MOXD1: variants seen among roughly 807,000 people sequenced by gnomAD.
The protein encoded by MOXD1 is monooxygenase DBH like 1.
Under a neutral mutation model 66.6 loss-of-function variants are expected in MOXD1, and 62 were observed. The observed-to-expected ratio is 0.93, with a 90% CI of 0.76 to 1.15. The LOEUF is 1.15. Among genes scored for constraint, MOXD1 ranks in the 50% most tolerant of loss-of-function variants. The pLI is 0.00. For missense variants in MOXD1, 847 were observed against 754.6 expected (o/e 1.12, Z -1.44); for synonymous variants, 303 against 281.9 (o/e 1.07, Z -0.75).
chr6:132,391,981 G>A (rs960097723), intron 1 of MOXD1: 18 of 522,564 alleles, frequency 3.4e-5, no homozygotes, highest in East Asian at 6.9e-5. Context: ...AAGTCTCTTC[G>A]TTGCCTGGAA....
At chr6:132,332,393 A>G (rs1775339933) in intron 4 of MOXD1, among the ~76,000 whole-genome samples, 1 of 152,236 alleles carries the variant, frequency 6.6e-6, no homozygotes, top group Non-Finnish European at 1.5e-5. Context: ...AGGGAAAAAA[A>G]GAAAGAAAAA....
chr6:132,375,207 C>A, intron 1 of MOXD1: 2 of 201,560 alleles, frequency 9.9e-6, no homozygotes, highest in Non-Finnish European at 2.0e-5. Context: ...CCTGGTGGAG[C>A]CCCACTTCAC....
chr6:132,387,244 G>C (rs1433493984), intron 1 of MOXD1, among the ~76,000 whole-genome samples: 1 of 151,274 alleles, frequency 6.6e-6, no homozygotes, highest in Admixed American at 6.6e-5. Context: ...ATTGTATTGA[G>C]CTAATACAAT....
chr6:132,383,805 C>A (rs147977319), intron 1 of MOXD1, among the ~76,000 whole-genome samples: 2 of 152,100 alleles, frequency 1.3e-5, no homozygotes, highest in Non-Finnish European at 2.9e-5. Context: ...TGCAGTGGCT[C>A]GCACCTGTAA....
intron 4 of MOXD1, among the ~76,000 whole-genome samples, chr6:132,348,615 AT>A (rs1252910272): frequency 6.6e-6 from 1 of 152,264 alleles, no homozygotes; most frequent in Non-Finnish European, 1.5e-5. Context: ...GGATGTACAT[AT>A]GAAGAAAACA....
At chr6:132,303,833 GTGTA>G (rs1425524445) in intron 10 of MOXD1, among the ~76,000 whole-genome samples, 263 of 59,890 alleles carry the variant, frequency 4.4e-3, no homozygotes, top group Middle Eastern at 8.2e-3. Flanking sequence ...GTGTGTGTGT[GTGTA>G]TATATATATA....
chr6:132,372,750 A>G (rs1483568084), intron 3 of MOXD1, 59 bp from the exon 4 acceptor site: 3 of 1,607,990 alleles, frequency 1.9e-6, no homozygotes, highest in Non-Finnish European at 1.7e-6. Flanking sequence ...ATGCTCCTGA[A>G]TACAATAATG....
chr6:132,327,763 G>GT lies in MOXD1; in HGVS notation c.946+249dup, dbSNP rs200955721. Among the ~76,000 whole-genome samples, 87 of 151,974 alleles carry GT rather than the reference G, an allele frequency of 5.7e-4. No homozygotes were observed. The East Asian group carries it at 0.014, about 25-fold the overall frequency. On this transcript the variant is annotated intron_variant, in intron 6 of 11. Transcript: ENST00000367963. ...ACTTCCTGGTAGGTAGCATGCAAGT[G>GT]TTTTTTTTGTAAGATTAGTGACTGC... is the stretch of plus-strand genomic sequence containing the variant.
chr6:132,388,226 T>A (rs986992394), intron 1 of MOXD1, among the ~76,000 whole-genome samples: 3 of 151,396 alleles, frequency 2.0e-5, no homozygotes, highest in Non-Finnish European at 3.0e-5. Flanking sequence ...CATACTCTCC[T>A]AAGAATTTTA....
At chr6:132,332,886 A>G (rs982212605) in intron 4 of MOXD1, among the ~76,000 whole-genome samples, 5 of 152,202 alleles carry the variant, frequency 3.3e-5, no homozygotes, top group Non-Finnish European at 7.3e-5. Context: ...TGAGGCACAC[A>G]CAGAGCTCCA....
rs148948740 is a variant in MOXD1 at position 132,315,737 on chromosome 6, A to C, written c.1406T>G (p.Leu469Arg). The change falls in exon 10 of 12, where the codon CTT (leucine) becomes CGT (arginine). Residue 469 changes from leucine to arginine, a missense_variant. By Grantham distance (102) the Leu-to-Arg change is moderately radical (BLOSUM62 -2). Coordinates refer to ENST00000367963, the MANE Select transcript of MOXD1 (RefSeq NM_015529.4). ...AAGATTAATTCTTGGGTAATAAAGA[A>C]GGTATGAGAGACACATTTCACTCCT... The part of the protein sequence containing the change: ...STRSEMCLSY[L>R]LYYPRINLTR... 8 of 1,613,386 alleles carry C rather than the reference A, an allele frequency of 5.0e-6. No individual in the cohort carries two copies. Among genetic ancestry groups the C allele is most frequent in the Non-Finnish European group, 6.8e-6 (8 of 1,179,594 alleles).
chr6:132,356,788 A>G (rs996228882), intron 4 of MOXD1, among the ~76,000 whole-genome samples: 2 of 152,154 alleles, frequency 1.3e-5, no homozygotes, highest in Non-Finnish European at 2.9e-5. Context: ...TAATTTGTTT[A>G]CAAATAAAAG....
intron 1 of MOXD1, among the ~76,000 whole-genome samples, chr6:132,393,860 T>C (rs771321381): frequency 3.9e-5 from 6 of 152,180 alleles, no homozygotes; most frequent in African/African-American, 1.4e-4. Flanking sequence ...AAAAGGCAGC[T>C]ATACATTTTC....
chr6:132,297,433 A>C, intron 11 of MOXD1, 116 bp from the exon 12 acceptor site: 3 of 1,085,280 alleles, frequency 2.8e-6, no homozygotes, highest in Non-Finnish European at 4.0e-6. Context: ...AGTGGTTACC[A>C]AAGGAGTCAC....
rs764848617 is a variant in MOXD1 at position 132,323,955 on chromosome 6, G to A, written c.1089C>T (p.His363=). ...CCTCTTCCAGGCACTCCAAAGTGCA[G>A]TGACCCTCAGACTGGAACTCAGGCA... is the stretch of plus-strand genomic sequence containing the variant. ...PGMPEFQSEG[H]CTLECLEEAL... Residue 363 remains histidine, a synonymous_variant, in exon 7 of 12, where the codon CAC becomes CAT. Transcript: ENST00000367963. 1.2e-6 allele frequency: 2 copies of A among 1,612,506 alleles called. No individual in the cohort carries two copies. The highest frequency in any genetic ancestry group is 2.2e-5 in the South Asian group (2 of 90,680).
chr6:132,372,821 A>T lies in MOXD1; in HGVS notation c.579+9T>A, dbSNP rs1283326494. 6.2e-7 allele frequency: 1 copy of T among 1,612,944 alleles called. No individual in the cohort carries two copies. Among genetic ancestry groups the T allele is most frequent in the Non-Finnish European group, 8.5e-7 (1 of 1,179,118 alleles). On this transcript the variant is annotated intron_variant, in intron 3 of 11. Transcript: ENST00000367963. ...CATCCCTACAATCATAAAACCTGAAAACACTTACGTCCTGATTTACCAGAT... is the reference window on the plus strand; with the variant it reads ...CATCCCTACAATCATAAAACCTGAATACACTTACGTCCTGATTTACCAGAT...
chr6:132,322,654 T>C (rs369389243), intron 8 of MOXD1, 25 bp downstream of exon 8: 1 of 1,597,900 alleles, frequency 6.3e-7, no homozygotes, highest in Non-Finnish European at 8.5e-7. Context: ...TAACAGTCAA[T>C]GAAAAAGAAC....
intron 5 of MOXD1, 70 bp from the exon 6 acceptor site, chr6:132,328,185 C>T: frequency 7.3e-7 from 1 of 1,362,508 alleles, no homozygotes; most frequent in Non-Finnish European, 1.0e-6. Context: ...ACTCAAAAAC[C>T]AGCCATCTTC....
At chr6:132,374,868 A>G (rs548220384) in intron 1 of MOXD1, 91 bp from the exon 2 acceptor site, 9 of 1,281,020 alleles carry the variant, frequency 7.0e-6, no homozygotes, top group African/African-American at 1.5e-5. Flanking sequence ...CTTGTTGTCT[A>G]GAGTTATTTT....
Sources: allele counts gnomAD v4.1 joint callset (sites outside exome capture counted in the v4.1 genomes callset), GRCh38; gene constraint gnomAD v4.1.1; transcripts MANE v1.5; gene names NCBI Gene and HGNC (gene_info 2026-07-23, HGNC 2026-07-21).